CHN1: variants seen among roughly 807,000 people sequenced by gnomAD.
CHN1 encodes the protein chimerin 1.
Under a neutral mutation model 59.5 loss-of-function variants are expected in CHN1, and 37 were observed. The ratio of observed to expected loss-of-function variants is 0.62; its 90% CI spans 0.48 to 0.82. The LOEUF (loss-of-function observed/expected upper bound fraction) is 0.82. CHN1 is among the 40% of genes least tolerant of loss of function. CHN1 has a pLI of 0.00. For missense variants in CHN1, 469 were observed against 571.0 expected, an observed-to-expected ratio of 0.82 and a Z score of 1.82; for synonymous variants, 206 against 200.4, an observed-to-expected ratio of 1.03 and a Z score of -0.24.
chr2:174,804,627 A>G (rs893922606), intron 11 of CHN1, among the ~76,000 whole-genome samples: 5 of 152,200 alleles, frequency 3.3e-5, no homozygotes, highest in East Asian at 1.9e-4. Flanking sequence ...TTCTGGGTAT[A>G]TTTTGAAGGT....
rs564894706 is a variant in CHN1, at chr2:174,982,197, T to C, written c.19+22697A>G. On this transcript the variant is annotated intron_variant, in intron 1 of 12. Coordinates refer to ENST00000409900, the MANE Select transcript of CHN1 (RefSeq NM_001822.7). ...CACATTTTCTTAATCCAGTCTATCA[T>C]TGTTGGGCATTTGGGTTGGTTCCAG... Among the ~76,000 whole-genome samples the C allele has an allele frequency of 3.5e-3, 532 of 152,324 alleles. 5 individuals carry two copies. Among genetic ancestry groups the C allele is most frequent in the African/African-American group, 0.012 (489 of 41,570 alleles).
At chr2:174,985,703 C>T (rs114554232) in intron 1 of CHN1, among the ~76,000 whole-genome samples, 2,102 of 152,216 alleles carry the variant, frequency 0.014, 58 homozygotes, top group African/African-American at 0.048. Flanking sequence ...GGCTCCTATA[C>T]CGGAAATGAA....
chr2:174,881,695 T>C (rs559167113), intron 5 of CHN1, among the ~76,000 whole-genome samples: 29 of 152,198 alleles, frequency 1.9e-4, no homozygotes, highest in Non-Finnish European at 3.1e-4. Flanking sequence ...ACACTGGCTG[T>C]ACAGGAACAT....
At chr2:174,807,668 A>G (rs1359736208) in intron 11 of CHN1, among the ~76,000 whole-genome samples, 1 of 152,160 alleles carries the variant, frequency 6.6e-6, no homozygotes, top group Non-Finnish European at 1.5e-5. Flanking sequence ...TAATGCTTTG[A>G]AAGAAATCAG....
chr2:174,965,140 T>C (rs1029593369), intron 1 of CHN1, among the ~76,000 whole-genome samples: 6 of 152,146 alleles, frequency 3.9e-5, no homozygotes, highest in Non-Finnish European at 8.8e-5. Context: ...TAAATTTACT[T>C]ACAAATACCT....
At chr2:174,932,367 C>T (rs1363534940) in intron 3 of CHN1, among the ~76,000 whole-genome samples, 1 of 152,118 alleles carries the variant, frequency 6.6e-6, no homozygotes, top group East Asian at 1.9e-4. Context: ...TTTAAGTTGG[C>T]AAAAAGTTTT....
intron 3 of CHN1, among the ~76,000 whole-genome samples, chr2:174,941,681 T>C (rs906078334): frequency 3.3e-5 from 5 of 152,182 alleles, no homozygotes; most frequent in Non-Finnish European, 5.9e-5. Flanking sequence ...TGATAATTGT[T>C]TTACTGGTCT....
intron 1 of CHN1, among the ~76,000 whole-genome samples, chr2:174,990,721 A>T (rs1340646300): frequency 1.3e-5 from 2 of 152,244 alleles, no homozygotes; most frequent in South Asian, 2.1e-4. Flanking sequence ...TTCTCTTCCC[A>T]GGAATATACA....
intron 5 of CHN1, among the ~76,000 whole-genome samples, chr2:174,904,915 A>G (rs1320603799): frequency 3.3e-5 from 5 of 151,352 alleles, no homozygotes; most frequent in South Asian, 2.1e-4. Context: ...AGTGTCTGAT[A>G]CATTGAAGTC....
At position 174,800,139 on chromosome 2, in the gene CHN1, T is replaced by C; in HGVS notation, c.1357A>G (p.Lys453Glu). The C allele has an allele frequency of 6.4e-7, 1 of 1,572,652 alleles. No homozygotes were observed. The highest frequency in any genetic ancestry group is 8.6e-7 in the Non-Finnish European group (1 of 1,162,658). ...YQRLVVELLIKNEDILF is the reference protein window; with the variant it reads ...YQRLVVELLIENEDILF ...ATTTAAAATAAAATGTCTTCGTTTT[T>C]GATAAGCAGCTCCACCACCAGTCTC... The change falls in exon 13 of 13, where the codon AAA (lysine) becomes GAA (glutamate). Residue 453 changes from lysine (K) to glutamate (E), a missense_variant. Around this residue, in one of 5 missense-constraint regions of CHN1, gnomAD observed 225 missense variants for 289.9 expected, o/e 0.78. Transcript: ENST00000409900.
At chr2:174,850,986 T>C (rs747819762) in intron 6 of CHN1, among the ~76,000 whole-genome samples, 2 of 152,190 alleles carry the variant, frequency 1.3e-5, no homozygotes, top group Non-Finnish European at 2.9e-5. Context: ...ACAGAGTGAG[T>C]TGCTCAAGGT....
At chr2:175,001,787 A>G (rs1691899154) in intron 1 of CHN1, among the ~76,000 whole-genome samples, 1 of 152,196 alleles carries the variant, frequency 6.6e-6, no homozygotes, top group Non-Finnish European at 1.5e-5. Flanking sequence ...CCAAGGCAAG[A>G]GCTGGCAGAA....
intron 1 of CHN1, among the ~76,000 whole-genome samples, chr2:174,986,441 AC>A (rs1204077053): frequency 1.3e-5 from 2 of 152,234 alleles, no homozygotes; most frequent in African/African-American, 4.8e-5. Flanking sequence ...GAGTTAAGAT[AC>A]ATAGTATGTA....
At chr2:174,906,091 G>A (rs79145451) in intron 5 of CHN1, among the ~76,000 whole-genome samples, 3,404 of 151,964 alleles carry the variant, frequency 0.022, 140 homozygotes, top group African/African-American at 0.078. Context: ...GTTACAATAC[G>A]ACCCAGCAAC....
chr2:174,892,772 C>T (rs1018645247), intron 5 of CHN1, among the ~76,000 whole-genome samples: 39 of 152,026 alleles, frequency 2.6e-4, no homozygotes, highest in African/African-American at 8.9e-4. Flanking sequence ...AACATGACCA[C>T]GTGAAATTTA....
intron 1 of CHN1, among the ~76,000 whole-genome samples, chr2:174,981,770 G>C (rs1018778417): frequency 1.3e-5 from 2 of 152,072 alleles, no homozygotes; most frequent in African/African-American, 4.8e-5. Flanking sequence ...GACAAACTGT[G>C]AAGTACAGTA....
Position 174,891,904 on chromosome 2 carries a change from A to G in CHN1, c.261-13776T>C, listed in dbSNP as rs376089276. 3.3e-5 allele frequency among the ~76,000 whole-genome samples: 5 copies of G among 152,324 alleles called. No homozygotes were observed. In the East Asian group the frequency reaches 5.8e-4, roughly 18 times the overall value. ...GAAAAATATAGCAAAGACTAAAATCAGAAGTGAAACAAGAAATATTACAAC... is the reference window on the plus strand; with the variant it reads ...GAAAAATATAGCAAAGACTAAAATCGGAAGTGAAACAAGAAATATTACAAC... On this transcript the variant is annotated intron_variant, in intron 5 of 12. Coordinates refer to ENST00000409900, the MANE Select transcript of CHN1 (RefSeq NM_001822.7).
At chr2:174,940,678 T>G (rs1308842415) in intron 3 of CHN1, among the ~76,000 whole-genome samples, 1 of 152,222 alleles carries the variant, frequency 6.6e-6, no homozygotes. Context: ...GGTGATACCG[T>G]GTGTTTCACT....
Position 174,944,949 on chromosome 2 carries a change from A to G in CHN1, c.59-6T>C. ...TTCCTGTTGTAGCTGATATACTGTGAGAAGGTAGAAACAAAAAGTGTCAAT... is the reference window on the plus strand; with the variant it reads ...TTCCTGTTGTAGCTGATATACTGTGGGAAGGTAGAAACAAAAAGTGTCAAT... On this transcript the variant is annotated splice_region_variant and splice_polypyrimidine_tract_variant and intron_variant, in intron 2 of 12. Coordinates refer to ENST00000409900, the MANE Select transcript of CHN1 (RefSeq NM_001822.7). 6.4e-7 allele frequency: 1 copy of G among 1,564,982 alleles called. No individual in the cohort carries two copies. The highest frequency in any genetic ancestry group is 1.9e-5 in the Admixed American group (1 of 52,910).
Sources: gnomAD v4.1 joint callset for allele counts (sites outside exome capture counted in the v4.1 genomes callset) on GRCh38, gnomAD v4.1.1 for gene constraint, gnomAD v4.1.1 regional missense constraint, MANE v1.5 for transcripts, NCBI Gene and HGNC (gene_info 2026-07-23, HGNC 2026-07-21) for gene names.